The following MEIS3 variants were observed in gnomAD, a reference collection of about 807,000 sequenced individuals.
MEIS3 encodes Meis homeobox 3.
Under a neutral mutation model 51.4 loss-of-function variants are expected in MEIS3, and 38 were observed. The observed-to-expected ratio is 0.74, with a 90% confidence interval of 0.57 to 0.97. The LOEUF (loss-of-function observed/expected upper bound fraction) is 0.97, where lower values mean the gene tolerates loss of function less well. MEIS3 is among the 50% of genes least tolerant of loss of function. The pLI, the probability that MEIS3 is intolerant of heterozygous loss-of-function variation, is 0.00. For synonymous variants in MEIS3, 198 were observed against 201.8 expected, an observed-to-expected ratio of 0.98 and a Z score of 0.16; for missense variants, 456 against 502.6, an observed-to-expected ratio of 0.91 and a Z score of 0.89.
Position 47,419,151 on chromosome 19 carries a change from C to G in MEIS3, c.-70G>C, listed in dbSNP as rs1239660530. 1.7e-6 allele frequency: 2 copies of G among 1,180,018 alleles called. No homozygotes were observed. Among genetic ancestry groups the G allele is most frequent in the African/African-American group, 1.6e-5 (1 of 63,090 alleles). 73.1% of individuals were successfully genotyped at this position (1,180,018 alleles called of 1,614,324 possible). On this transcript the variant is annotated 5_prime_UTR_variant, in exon 1 of 13. Transcript: ENST00000558555. ...CGCGGGGGAGGGCGCAGCCCGGGGC[C>G]GCAGCCCCTGACGGCCCGCGGTGTT...
At chr19:47,407,323 C>T in intron 9 of MEIS3, 29 bp downstream of exon 9, 1 of 1,603,136 alleles carries the variant, frequency 6.2e-7, no homozygotes, top group Non-Finnish European at 8.5e-7. Flanking sequence ...CGCCCCGGGC[C>T]GGCCCGCGGG....
intron 4 of MEIS3, 22 bp downstream of exon 4, chr19:47,416,630 T>G (rs1210875063): frequency 2.0e-6 from 3 of 1,500,836 alleles, no homozygotes; most frequent in African/African-American, 2.8e-5. Context: ...GGAGGGGGTG[T>G]GGGGGAGGGC....
chr19:47,417,798 T>C, intron 1 of MEIS3: 1 of 627,144 alleles, frequency 1.6e-6, no homozygotes, highest in Non-Finnish European at 2.9e-6. Flanking sequence ...GATAAGCGCA[T>C]CAGAGTAAGT....
intron 4 of MEIS3, 167 bp downstream of exon 4, chr19:47,416,485 C>G (rs1206715885): frequency 3.3e-6 from 2 of 599,074 alleles, no homozygotes; most frequent in African/African-American, 3.8e-5. Flanking sequence ...GGGTCCCGTT[C>G]TCAGACTCTA....
upstream of MEIS3, among the ~76,000 whole-genome samples, chr19:47,420,537 C>CAGACGCGGGTGGGAGGAGAGAGAG (rs1568433716): frequency 8.3e-6 from 1 of 120,754 alleles, no homozygotes; most frequent in African/African-American, 3.8e-5. Flanking sequence ...GAGAGAGAGA[C>CAGACGCGGGTGGGAGGAGAGAGAG]AGAGACAGAC....
Position 47,407,429 on chromosome 19 carries a change from C to T in MEIS3, c.859-1G>A, listed in dbSNP as rs1466896667. The stretch of plus-strand genomic sequence containing the variant: ...TCTGCTCCTCCGAGGGGTACGGGTG[C>T]TGCAGCCACCAGCAAGAGTCACTCT... On this transcript the variant is annotated splice_acceptor_variant, in intron 8 of 12. Coordinates refer to ENST00000558555, the MANE Select transcript of MEIS3 (RefSeq NM_001301059.2). LOFTEE classifies it high-confidence loss of function. The T allele has an allele frequency of 6.2e-7, 1 of 1,613,702 alleles. No homozygotes were observed. Among genetic ancestry groups the T allele is most frequent in the African/African-American group, 1.3e-5 (1 of 74,906 alleles).
rs547934903 is a variant in MEIS3, at chr19:47,403,409, G to A, written c.*162C>T. 4.6e-5 allele frequency: 21 copies of A among 454,790 alleles called. No individual in the cohort carries two copies. Among genetic ancestry groups the A allele is most frequent in the South Asian group, 3.3e-4 (21 of 64,488 alleles). The allele number at this position is 454,790 out of a possible 1,614,324, so 28.2% of individuals were successfully genotyped here. On this transcript the variant is annotated 3_prime_UTR_variant, in exon 13 of 13. Transcript: ENST00000558555. ...CGGTGTCCTTGAGAGCCCTTGGATG[G>A]GCACTCAGGCCCCCATGTCCCAGCA...
At chr19:47,411,314 C>A (rs1015108533) in intron 6 of MEIS3, among the ~76,000 whole-genome samples, 1 of 152,120 alleles carries the variant, frequency 6.6e-6, no homozygotes, top group Non-Finnish European at 1.5e-5. Context: ...TGGGGCACAA[C>A]CTCGTCATCA....
chr19:47,407,523 A>T, intron 8 of MEIS3, 95 bp from the exon 9 acceptor site: 1 of 1,603,554 alleles, frequency 6.2e-7, no homozygotes, highest in South Asian at 1.1e-5. Flanking sequence ...TGGGGAGCCC[A>T]GGCCCAGGCA....
chr19:47,404,729 TC>T (rs1250646989), intron 12 of MEIS3, among the ~76,000 whole-genome samples: 7 of 151,394 alleles, frequency 4.6e-5, no homozygotes, highest in African/African-American at 1.7e-4. Context: ...TCTAAACACC[TC>T]CCCCCATCCC....
chr19:47,405,000 C>T (rs1970749465), intron 12 of MEIS3, among the ~76,000 whole-genome samples: 3 of 152,178 alleles, frequency 2.0e-5, no homozygotes, highest in African/African-American at 4.8e-5. Context: ...GTCCAGATGG[C>T]ACTAGGGAGC....
chr19:47,417,065 G>C (rs1257405614), intron 2 of MEIS3, 102 bp from the exon 3 acceptor site: 2 of 1,530,706 alleles, frequency 1.3e-6, no homozygotes, highest in Non-Finnish European at 1.8e-6. Context: ...GAGACCCAGA[G>C]AGGGAAGGAG....
rs768068338 is a variant in MEIS3, at chr19:47,407,156, A to C, written c.936-19T>G. ...AATGAACCTGGGAGGCGGTCATGGA[A>C]ACGGAGGGGAATGAAAAGAGGGAGT... On this transcript the variant is annotated intron_variant, in intron 9 of 12. Coordinates refer to ENST00000558555, the MANE Select transcript of MEIS3 (RefSeq NM_001301059.2). 44 of 1,604,324 alleles carry C rather than the reference A, an allele frequency of 2.7e-5. No individual in the cohort carries two copies. The Middle Eastern group carries it at 5.0e-4, about 18-fold the overall frequency.
At position 47,416,970 on chromosome 19, in the gene MEIS3, A is replaced by T; in HGVS notation, c.186-7T>A. On this transcript the variant is annotated splice_polypyrimidine_tract_variant and splice_region_variant and intron_variant, in intron 2 of 12. Coordinates refer to ENST00000558555, the MANE Select transcript of MEIS3 (RefSeq NM_001301059.2). ...GAGGGGGAAGAGCGGGTGTCTGGGG[A>T]GGCAGGAAAGGAGAGAGGTTGAGGG... 1 of 1,569,940 alleles carries T rather than the reference A, an allele frequency of 6.4e-7. No homozygotes were observed. The highest frequency in any genetic ancestry group is 8.6e-7 in the Non-Finnish European group (1 of 1,157,478).
intron 1 of MEIS3, chr19:47,417,749 C>G (rs575705193): frequency 3.0e-5 from 20 of 666,556 alleles, no homozygotes; most frequent in Admixed American, 4.5e-5. Context: ...AGTACACATA[C>G]GAAGCCTCCC....
At chr19:47,406,351 G>A in intron 12 of MEIS3, 109 bp downstream of exon 12, 3 of 842,448 alleles carry the variant, frequency 3.6e-6, no homozygotes, top group Non-Finnish European at 5.9e-6. Flanking sequence ...AGAACCCACA[G>A]TACAGGGACC....
At chr19:47,405,424 C>T (rs1970767494) in intron 12 of MEIS3, among the ~76,000 whole-genome samples, 1 of 152,180 alleles carries the variant, frequency 6.6e-6, no homozygotes, top group East Asian at 1.9e-4. Context: ...TGATGACTCC[C>T]TCCTATGGGG....
Position 47,407,423 on chromosome 19 carries a change from C to A in MEIS3, c.864G>T (p.Pro288=). The change falls in exon 9 of 13, where the codon CCG becomes CCT. Residue 288 remains proline (P), a synonymous_variant. Transcript: ENST00000558555. ...RAWLFQHLSH[P]YPSEEQKKQL... ...GTTTCTTCTGCTCCTCCGAGGGGTACGGGTGCTGCAGCCACCAGCAAGAGT... is the reference window on the plus strand; with the variant it reads ...GTTTCTTCTGCTCCTCCGAGGGGTAAGGGTGCTGCAGCCACCAGCAAGAGT... 1 of 1,613,778 alleles carries A rather than the reference C, an allele frequency of 6.2e-7. No individual in the cohort carries two copies. Among genetic ancestry groups the A allele is most frequent in the South Asian group, 1.1e-5 (1 of 91,068 alleles).
At chr19:47,415,156 G>GGGAGGAAGAAGGAAGAGGAAGAGAA in intron 4 of MEIS3, 55 bp from the exon 5 acceptor site, 1 of 995,868 alleles carries the variant, frequency 1.0e-6, no homozygotes, top group Admixed American at 2.0e-5. Context: ...GGAGGGAGCA[G>GGGAGGAAGAAGGAAGAGGAAGAGAA]GGAGGAAGAA....
Sources: gnomAD v4.1 joint callset for allele counts (sites outside exome capture counted in the v4.1 genomes callset) on GRCh38, gnomAD v4.1.1 for gene constraint, MANE v1.5 for transcripts, NCBI Gene and HGNC (gene_info 2026-07-23, HGNC 2026-07-21) for gene names.